ATP10B: variants seen among roughly 807,000 people sequenced by gnomAD.
ATP10B encodes ATPase phospholipid transporting 10B (putative), also known as phospholipid-transporting ATPase VB.
ATP10B carries 122 observed loss-of-function variants against 141.2 expected under a neutral mutation model. The observed-to-expected ratio is 0.86, with a 90% CI of 0.75 to 1.00. The LOEUF (loss-of-function observed/expected upper bound fraction) is 1.00, where lower values mean the gene tolerates loss of function less well. Ranked by LOEUF, ATP10B falls within the 50% of genes least tolerant of loss-of-function variation. The pLI, the probability that ATP10B is intolerant of heterozygous loss-of-function variation, is 0.00. For synonymous variants in ATP10B, 685 were observed against 692.0 expected (o/e 0.99, Z 0.16); for missense variants, 1,876 against 1,825.3 (o/e 1.03, Z -0.51).
At position 160,696,383 on chromosome 5, in the gene ATP10B, A is replaced by G. The variant is rs188471331; in HGVS notation, c.-204-7440T>C. ...CTCAGCCTCCCAAAGTGCTGGGATT[A>G]CAGGCATGAGCCACCATGCCTGGCC... On this transcript the variant is annotated intron_variant, in intron 3 of 25. Transcript: ENST00000327245. 2.0e-3 allele frequency among the ~76,000 whole-genome samples: 298 copies of G among 152,292 alleles called. 5 individuals carry two copies. The East Asian group carries it at 0.022, about 11-fold the overall frequency.
At chr5:160,764,986 G>A (rs1054913799) in intron 2 of ATP10B, among the ~76,000 whole-genome samples, 1 of 151,626 alleles carries the variant, frequency 6.6e-6, no homozygotes, top group Non-Finnish European at 1.5e-5. Flanking sequence ...AAAAAATAAA[G>A]TAAAAATACT....
chr5:160,608,415 C>T (rs1757524042), intron 18 of ATP10B, among the ~76,000 whole-genome samples: 1 of 152,162 alleles, frequency 6.6e-6, no homozygotes, highest in African/African-American at 2.4e-5. Flanking sequence ...TTTATAGTCG[C>T]ATGATTTATA....
chr5:160,912,697 AAAG>A, the ATP10B span, among the ~76,000 whole-genome samples: 1 of 152,094 alleles, frequency 6.6e-6, no homozygotes, highest in African/African-American at 2.4e-5. Context: ...AAAAAAGAAA[AAAG>A]AAAAGAGAAA....
chr5:160,580,743 C>G (rs930278508), intron 24 of ATP10B, among the ~76,000 whole-genome samples: 16 of 152,166 alleles, frequency 1.1e-4, no homozygotes, highest in African/African-American at 3.9e-4. Flanking sequence ...ATATCAGCTC[C>G]TCTTTGTACC....
chr5:160,594,894 A>G (rs1756573701), intron 22 of ATP10B, among the ~76,000 whole-genome samples: 1 of 152,238 alleles, frequency 6.6e-6, no homozygotes, highest in Non-Finnish European at 1.5e-5. Context: ...TTCATAAAGC[A>G]AGTCCTGAGT....
chr5:160,739,479 A>G (rs2127804740), intron 2 of ATP10B, among the ~76,000 whole-genome samples: 1 of 152,380 alleles, frequency 6.6e-6, no homozygotes, highest in Admixed American at 6.5e-5. Flanking sequence ...CAAAGTCAGT[A>G]TATAAAAGTC....
chr5:160,760,755 A>G (rs1442341186), intron 2 of ATP10B, among the ~76,000 whole-genome samples: 1 of 151,966 alleles, frequency 6.6e-6, no homozygotes, highest in Non-Finnish European at 1.5e-5. Context: ...GCTTTCCCCC[A>G]CTTCCCTGGA....
chr5:160,637,334 C>T, intron 10 of ATP10B, among the ~76,000 whole-genome samples: 1 of 152,058 alleles, frequency 6.6e-6, no homozygotes, highest in Non-Finnish European at 1.5e-5. Flanking sequence ...TTTATCCATC[C>T]ATCCATTCAT....
intron 7 of ATP10B, among the ~76,000 whole-genome samples, chr5:160,653,606 CATATATACATATATATTATATATACAT>C (rs1223914331): frequency 2.7e-5 from 1 of 37,068 alleles, no homozygotes; most frequent in Non-Finnish European, 8.6e-5. Context: ...TACATATATA[CATATATACATATATATTATATATACAT>C]ATATACATAT....
chr5:160,685,169 C>T lies in ATP10B; in HGVS notation c.470+910G>A, dbSNP rs984917680. On this transcript the variant is annotated intron_variant, in intron 6 of 25. Coordinates refer to ENST00000327245, the MANE Select transcript of ATP10B (RefSeq NM_025153.3). ...TCAAAGAGCAAGTTAGAGACCACTA[C>T]TCGCTTCTTGTCTTCTTTTCTTTTC... is the stretch of plus-strand genomic sequence containing the variant. The T allele has an allele frequency of 1.5e-5, 10 of 660,762 alleles. No individual in the cohort carries two copies. The African/African-American group carries it at 1.6e-4, about 11-fold the overall frequency. The allele number at this position is 660,762 out of a possible 1,614,324, so 40.9% of individuals were successfully genotyped here.
chr5:160,882,687 A>G, the ATP10B span, among the ~76,000 whole-genome samples: 44 of 152,310 alleles, frequency 2.9e-4, 1 homozygote, highest in East Asian at 6.9e-3. Flanking sequence ...ATGTCATAAA[A>G]TTTGTCAATT....
intron 7 of ATP10B, among the ~76,000 whole-genome samples, chr5:160,650,118 T>TTATATATATATATATATATATATATATA (rs147437606): frequency 6.8e-6 from 1 of 146,038 alleles, no homozygotes; most frequent in Admixed American, 6.8e-5. Flanking sequence ...AAAAAAAATT[T>TTATATATATATATATATATATATATATA]TATATATATA....
At chr5:160,674,060 G>A (rs6879149) in intron 6 of ATP10B, among the ~76,000 whole-genome samples, 97,734 of 151,882 alleles carry the variant, frequency 0.64, 32,161 homozygotes, top group Middle Eastern at 0.78. Flanking sequence ...TGCCTTTGGG[G>A]ATGTGGGGTA....
In ATP10B at chr5:160,688,059, C is replaced by G. The variant is rs1469498410; in HGVS notation, c.16G>C (p.Asp6His). 110 of 1,612,702 alleles carry G rather than the reference C, an allele frequency of 6.8e-5. No homozygotes were observed. The highest frequency in any genetic ancestry group is 9.2e-5 in the Non-Finnish European group (109 of 1,179,682). MALSVDSSWHRWQWRV... is the reference protein window; with the variant it reads MALSVHSSWHRWQWRV... ...CACTGCCACCGATGCCACGATGAGT[C>G]CACTGAGAGGGCCATTTCCAGCAGC... Residue 6 changes from aspartate to histidine, a missense_variant, in exon 5 of 26, where the codon GAC becomes CAC. By Grantham distance (81) the Asp-to-His change is moderately conservative. Coordinates refer to ENST00000327245, the MANE Select transcript of ATP10B (RefSeq NM_025153.3).
the ATP10B span, among the ~76,000 whole-genome samples, chr5:160,924,022 T>G: frequency 1.3e-5 from 2 of 152,194 alleles, no homozygotes; most frequent in East Asian, 3.8e-4. Flanking sequence ...AAAGCCAGGC[T>G]GAGTAGTTAA....
chr5:160,593,401 A>T (rs1399846635), intron 22 of ATP10B, among the ~76,000 whole-genome samples: 1 of 152,164 alleles, frequency 6.6e-6, no homozygotes, highest in Non-Finnish European at 1.5e-5. Context: ...GGACATCCAC[A>T]GCAAAAACCC....
rs1206223901 is a variant in ATP10B, at chr5:160,785,630, C to T, written c.-402G>A. On this transcript the variant is annotated 5_prime_UTR_variant, in exon 2 of 26. Transcript: ENST00000327245. ...TTTTGAAGTCTCAGTGTTTATTGTT[C>T]TCATCTTTGTGTCCATGTGTAAGAA... 1 of 1,256,690 alleles carries T rather than the reference C, an allele frequency of 8.0e-7. No homozygotes were observed. The allele number at this position is 1,256,690 out of a possible 1,614,324, so 77.8% of individuals were successfully genotyped here. A position where few individuals can be genotyped will look rare whatever the true frequency, so the allele number is the denominator to read the frequency against.
At chr5:160,739,038 C>G (rs1025926248) in intron 2 of ATP10B, among the ~76,000 whole-genome samples, 2 of 151,960 alleles carry the variant, frequency 1.3e-5, no homozygotes, top group Non-Finnish European at 2.9e-5. Context: ...ATTTAATATA[C>G]AAAAATCAAT....
intron 1 of ATP10B, among the ~76,000 whole-genome samples, chr5:160,789,389 T>C (rs1422699462): frequency 6.6e-6 from 1 of 152,186 alleles, no homozygotes. Context: ...CTAGGCTGTA[T>C]GGTCTAACCT....
Sources: allele counts gnomAD v4.1 joint callset (sites outside exome capture counted in the v4.1 genomes callset), GRCh38; gene constraint gnomAD v4.1.1; transcripts MANE v1.5; gene names NCBI Gene and HGNC (gene_info 2026-07-23, HGNC 2026-07-21).